FSTL5: variants seen among roughly 807,000 people sequenced by gnomAD.
FSTL5 encodes the protein follistatin-related protein 5.
Under a neutral mutation model 89.1 loss-of-function variants are expected in FSTL5, and 62 were observed. That is an observed-to-expected ratio of 0.70 (90% confidence interval 0.57 to 0.86). FSTL5 has a LOEUF of 0.86. Ranked by LOEUF, FSTL5 falls within the 40% of genes least tolerant of loss-of-function variation. The probability of loss-of-function intolerance (pLI) is 0.00; values close to 1 mark genes in which losing one functional copy is unlikely to be tolerated. For synonymous variants in FSTL5, 383 were observed against 346.2 expected, an observed-to-expected ratio of 1.11 and a Z score of -1.18; for missense variants, 1,057 against 1,001.6, an observed-to-expected ratio of 1.06 and a Z score of -0.75.
At chr4:161,453,961 T>C (rs1364486330) in intron 15 of FSTL5, among the ~76,000 whole-genome samples, 1 of 152,144 alleles carries the variant, frequency 6.6e-6, no homozygotes, top group African/African-American at 2.4e-5. Flanking sequence ...TAATGGCTAA[T>C]TGATTGACAA....
chr4:161,853,831 G>C (rs1731636963), intron 4 of FSTL5, among the ~76,000 whole-genome samples: 1 of 152,074 alleles, frequency 6.6e-6, no homozygotes, highest in Admixed American at 6.6e-5. Flanking sequence ...AAACAGACTG[G>C]GGGGACATTA....
intron 5 of FSTL5, among the ~76,000 whole-genome samples, chr4:161,760,667 C>T (rs982035636): frequency 5.9e-5 from 9 of 152,114 alleles, no homozygotes; most frequent in African/African-American, 2.2e-4. Flanking sequence ...TTACATAATG[C>T]ATTGCTTCTT....
At chr4:161,534,940 T>G (rs953311379) in intron 10 of FSTL5, among the ~76,000 whole-genome samples, 1 of 152,186 alleles carries the variant, frequency 6.6e-6, no homozygotes, top group Non-Finnish European at 1.5e-5. Flanking sequence ...CCATCTTATC[T>G]TTGACAAAAT....
chr4:161,567,422 C>T (rs1024431171), intron 8 of FSTL5, among the ~76,000 whole-genome samples: 14 of 152,062 alleles, frequency 9.2e-5, no homozygotes, highest in Non-Finnish European at 1.9e-4. Context: ...TCACATTAAC[C>T]TTCTTTCCAC....
chr4:161,686,294 T>C (rs1737712196), intron 6 of FSTL5, among the ~76,000 whole-genome samples: 1 of 127,068 alleles, frequency 7.9e-6, no homozygotes, highest in African/African-American at 2.9e-5. Flanking sequence ...GGTTCCCTCT[T>C]TCTCCTTTGC....
At chr4:161,704,225 T>G (rs1738496095) in intron 6 of FSTL5, among the ~76,000 whole-genome samples, 1 of 152,126 alleles carries the variant, frequency 6.6e-6, no homozygotes, top group South Asian at 2.1e-4. Flanking sequence ...AGAAGCCCCC[T>G]CCCTGCTTCC....
chr4:161,472,062 C>T (rs541817502), intron 13 of FSTL5, among the ~76,000 whole-genome samples: 4 of 151,628 alleles, frequency 2.6e-5, no homozygotes, highest in African/African-American at 4.8e-5. Flanking sequence ...CCACAAGCTC[C>T]ACCTCCCGGG....
intron 1 of FSTL5, among the ~76,000 whole-genome samples, chr4:162,159,790 T>C (rs1272470088): frequency 6.6e-6 from 1 of 152,136 alleles, no homozygotes; most frequent in Non-Finnish European, 1.5e-5. Flanking sequence ...AAACTCTTCA[T>C]TATGCACACA....
chr4:161,815,244 C>A (rs1194931292), intron 4 of FSTL5, among the ~76,000 whole-genome samples: 1 of 151,834 alleles, frequency 6.6e-6, no homozygotes, highest in African/African-American at 2.4e-5. Context: ...GTATTATAAA[C>A]ACTGGATACT....
rs533247658 is a variant in FSTL5 at position 161,922,422 on chromosome 4, A to T, written c.161-1770T>A. Among the ~76,000 whole-genome samples, 146 of 152,140 alleles carry T rather than the reference A, an allele frequency of 9.6e-4. 2 individuals are homozygous for T. In the South Asian group the frequency reaches 0.019, roughly 20 times the overall value. On this transcript the variant is annotated intron_variant, in intron 3 of 15. Coordinates refer to ENST00000306100, the MANE Select transcript of FSTL5 (RefSeq NM_020116.5). ...ATATGTACCCCTGAAATTAAAATTT[A>T]AAAAACTTAGCAAAAAATCAATTTT...
At chr4:161,526,720 T>C (rs1044423345) in intron 10 of FSTL5, among the ~76,000 whole-genome samples, 1 of 152,224 alleles carries the variant, frequency 6.6e-6, no homozygotes. Flanking sequence ...TCCACATTGC[T>C]TGTTTTTCTC....
At chr4:161,976,807 G>C (rs1297617331) in intron 3 of FSTL5, among the ~76,000 whole-genome samples, 1 of 151,976 alleles carries the variant, frequency 6.6e-6, no homozygotes. Flanking sequence ...TATAAGTCTA[G>C]GAGCCCAGCC....
chr4:161,632,685 CTGTG>C (rs1188581411), intron 7 of FSTL5, among the ~76,000 whole-genome samples: 1 of 151,974 alleles, frequency 6.6e-6, no homozygotes, highest in Non-Finnish European at 1.5e-5. Context: ...TTATTGATTT[CTGTG>C]TTTTTTAGAA....
chr4:161,753,771 G>A (rs756304934), intron 6 of FSTL5, among the ~76,000 whole-genome samples: 1 of 151,988 alleles, frequency 6.6e-6, no homozygotes, highest in Non-Finnish European at 1.5e-5. Flanking sequence ...GGCCAGGCGC[G>A]GTGGCTCACG....
In FSTL5 at chr4:161,920,444, T is replaced by C. The variant is rs1227199812; in HGVS notation, c.369A>G (p.Gln123=). Residue 123 remains glutamine (Q), a synonymous_variant, in exon 4 of 16, where the codon CAA becomes CAG. Coordinates refer to ENST00000306100, the MANE Select transcript of FSTL5 (RefSeq NM_020116.5). ...CTTCATTGTGAACAATGGTAATCTT[T>C]TGTTTTTTCAGGCAAGCAGCTCTGT... ...EVHRAACLKK[Q]KITIVHNEDC... The C allele has an allele frequency of 1.9e-6, 3 of 1,614,042 alleles. No homozygotes were observed. Among genetic ancestry groups the C allele is most frequent in the African/African-American group, 1.3e-5 (1 of 75,032 alleles).
intron 7 of FSTL5, among the ~76,000 whole-genome samples, chr4:161,592,426 GC>G (rs1035365188): frequency 2.7e-5 from 4 of 148,112 alleles, no homozygotes; most frequent in African/African-American, 1.0e-4. Context: ...CCCTCCCCTA[GC>G]CCCCCACCCC....
intron 6 of FSTL5, among the ~76,000 whole-genome samples, chr4:161,707,882 C>T (rs1738634891): frequency 6.6e-6 from 1 of 151,760 alleles, no homozygotes; most frequent in African/African-American, 2.4e-5. Context: ...TTAAAACAGA[C>T]AAACCAACCA....
intron 6 of FSTL5, among the ~76,000 whole-genome samples, chr4:161,668,501 T>C (rs571839837): frequency 4.9e-4 from 75 of 152,286 alleles, no homozygotes; most frequent in Non-Finnish European, 9.6e-4. Flanking sequence ...AGAAATACTT[T>C]CTAACTCATT....
intron 4 of FSTL5, among the ~76,000 whole-genome samples, chr4:161,874,187 A>G (rs926147852): frequency 6.6e-6 from 1 of 152,086 alleles, no homozygotes; most frequent in Non-Finnish European, 1.5e-5. Flanking sequence ...ATTAATCTAT[A>G]TCGTCTCAAA....
Sources: allele counts gnomAD v4.1 joint callset (sites outside exome capture counted in the v4.1 genomes callset), GRCh38; gene constraint gnomAD v4.1.1; transcripts MANE v1.5; gene names NCBI Gene and HGNC (gene_info 2026-07-23, HGNC 2026-07-21).